Variants in BCO2 observed in about 807,000 individuals in gnomAD.
BCO2 encodes the protein beta-carotene oxygenase 2.
In BCO2, 56 loss-of-function variants were observed where a neutral mutation model predicts 65.8. That is an observed-to-expected ratio of 0.85 (90% CI 0.69 to 1.06). The LOEUF (loss-of-function observed/expected upper bound fraction) is 1.06. Among genes scored for constraint, BCO2 ranks in the 50% least tolerant of loss-of-function variants. The pLI is 0.00. For missense variants in BCO2, 675 were observed against 698.5 expected, an observed-to-expected ratio of 0.97 and a Z score of 0.38; for synonymous variants, 233 against 242.3, an observed-to-expected ratio of 0.96 and a Z score of 0.36.
intron 11 of BCO2, 36 bp from the exon 12 acceptor site, chr11:112,217,725 A>G: frequency 6.5e-7 from 1 of 1,527,156 alleles, no homozygotes; most frequent in Non-Finnish European, 9.0e-7. Flanking sequence ...TTTGATGAAA[A>G]AAAGATAATT....
intron 5 of BCO2, among the ~76,000 whole-genome samples, chr11:112,196,777 T>A (rs1867586587): frequency 2.6e-5 from 4 of 152,162 alleles, no homozygotes; most frequent in African/African-American, 7.2e-5. Flanking sequence ...AGACTCCTGA[T>A]ATTTTCCTCT....
chr11:112,211,456 T>C (rs1307056978), intron 8 of BCO2, among the ~76,000 whole-genome samples: 1 of 152,108 alleles, frequency 6.6e-6, no homozygotes, highest in Non-Finnish European at 1.5e-5. Context: ...TCCAAATTCC[T>C]TTTTTTAGTT....
chr11:112,197,410 T>C (rs1867611033), intron 5 of BCO2, among the ~76,000 whole-genome samples: 1 of 151,960 alleles, frequency 6.6e-6, no homozygotes, highest in South Asian at 2.1e-4. Context: ...TAGCCAGACA[T>C]AGTGGCATGT....
At chr11:112,210,485 A>C (rs11214135) in intron 8 of BCO2, among the ~76,000 whole-genome samples, 34,530 of 152,132 alleles carry the variant, frequency 0.23, 4,043 homozygotes, top group Middle Eastern at 0.27. Context: ...CATAGGGTAC[A>C]GACCTATGAG....
chr11:112,195,976 G>A (rs557346938), intron 5 of BCO2, among the ~76,000 whole-genome samples: 1 of 152,264 alleles, frequency 6.6e-6, no homozygotes, highest in East Asian at 1.9e-4. Context: ...CATCATGAGA[G>A]CCTGTGCTTG....
chr11:112,176,526 G>GGC (rs1433262604), intron 1 of BCO2: 1 of 122,368 alleles, frequency 8.2e-6, no homozygotes, highest in African/African-American at 3.0e-5. Context: ...GCGGGGGGGG[G>GGC]GGAATTAAAC....
At chr11:112,191,754 A>G (rs761883185) in intron 2 of BCO2, among the ~76,000 whole-genome samples, 3 of 152,194 alleles carry the variant, frequency 2.0e-5, no homozygotes, top group Non-Finnish European at 2.9e-5. Flanking sequence ...ACATTGTGAT[A>G]TTGGTGCAAG....
chr11:112,185,444 T>C (rs1867171470), intron 2 of BCO2, among the ~76,000 whole-genome samples: 1 of 152,244 alleles, frequency 6.6e-6, no homozygotes, highest in South Asian at 2.1e-4. Flanking sequence ...TTAAACATTT[T>C]TAAATATTAG....
intron 1 of BCO2, among the ~76,000 whole-genome samples, chr11:112,177,007 G>A (rs547229099): frequency 1.3e-5 from 2 of 152,232 alleles, no homozygotes; most frequent in South Asian, 4.1e-4. Context: ...CCAGTAGCAT[G>A]CAATAGAGTA....
intron 1 of BCO2, among the ~76,000 whole-genome samples, chr11:112,177,191 T>A (rs906257509): frequency 6.6e-6 from 1 of 152,182 alleles, no homozygotes; most frequent in African/African-American, 2.4e-5. Flanking sequence ...AGATAAATGG[T>A]GCATAATGTT....
At chr11:112,196,133 A>G (rs924467807) in intron 5 of BCO2, among the ~76,000 whole-genome samples, 19 of 152,298 alleles carry the variant, frequency 1.2e-4, no homozygotes, top group African/African-American at 3.6e-4. Flanking sequence ...TGTCTTCAAG[A>G]CTTGCAGTTA....
chr11:112,217,866 C>G lies in BCO2; in HGVS notation c.1732C>G (p.Pro578Ala), dbSNP rs774460713. 2 of 1,607,650 alleles carry G rather than the reference C, an allele frequency of 1.2e-6. No homozygotes were observed. Reference protein sequence around the residue: ...MPYGFHGTFIPI With the variant: ...MPYGFHGTFIAI ...TTATGGGTTCCATGGTACCTTCATA[C>G]CCATCTGATGGGACAACCACAAGGT... The change falls in exon 12 of 12, where the codon CCC (proline) becomes GCC (alanine). Residue 578 changes from proline (P) to alanine (A), a missense_variant. Physicochemically the swap from Pro to Ala is conservative, Grantham distance 27. Coordinates refer to ENST00000357685, the MANE Select transcript of BCO2 (RefSeq NM_031938.7).
At position 112,179,489 on chromosome 11, in the gene BCO2, C is replaced by A. The variant is rs749012988; in HGVS notation, c.293+7C>A. 13 of 1,612,482 alleles carry A rather than the reference C, an allele frequency of 8.1e-6. No individual in the cohort carries two copies. The highest frequency in any genetic ancestry group is 1.0e-5 in the Non-Finnish European group (12 of 1,178,892). On this transcript the variant is annotated splice_region_variant and intron_variant, in intron 2 of 11. Transcript: ENST00000357685. ...TCGAGTTTGGGAAGGATAAGTAAGC[C>A]TTGATTTTGGAGAACAACTTGGATT...
chr11:112,190,762 A>G (rs367651242), intron 2 of BCO2, among the ~76,000 whole-genome samples: 1 of 150,290 alleles, frequency 6.7e-6, no homozygotes, highest in South Asian at 2.1e-4. Context: ...AGGCTGAGGC[A>G]GGAGAATTGC....
chr11:112,203,575 TCA>T (rs1333741371), intron 8 of BCO2, among the ~76,000 whole-genome samples: 1 of 152,262 alleles, frequency 6.6e-6, no homozygotes, highest in African/African-American at 2.4e-5. Context: ...ATCTATCATC[TCA>T]CATGTTACTT....
intron 6 of BCO2, chr11:112,200,362 G>T (rs536127713): frequency 3.1e-6 from 1 of 322,356 alleles, no homozygotes; most frequent in South Asian, 8.2e-5. Flanking sequence ...AAAAAGAAAA[G>T]AAAAGGAAAA....
intron 8 of BCO2, among the ~76,000 whole-genome samples, chr11:112,208,420 C>CTTTTTTTTTTTTTTT (rs56317720): frequency 4.2e-5 from 6 of 143,010 alleles, no homozygotes; most frequent in Non-Finnish European, 6.1e-5. Flanking sequence ...TGTATATTGG[C>CTTTTTTTTTTTTTTT]TTTTTTTTTT....
In BCO2 at chr11:112,175,653, GTGGATTTCCT is replaced by G. The variant is rs753094407; in HGVS notation, c.54_63del (p.Asp19LeufsTer2). 6.2e-7 allele frequency: 1 copy of G among 1,614,136 alleles called. No individual in the cohort carries two copies. Among genetic ancestry groups the G allele is most frequent in the South Asian group, 1.1e-5 (1 of 91,082 alleles). On this transcript the variant is annotated frameshift_variant, in exon 1 of 12. Coordinates refer to ENST00000357685, the MANE Select transcript of BCO2 (RefSeq NM_031938.7). LOFTEE classifies it high-confidence loss of function. Reference sequence around the variant, plus strand: ...TATCAGGAGTCATTCTGCCACTGCAGTGGATTTCCTTCCTGTGATGGTGCACCGGCTCCCA... The same window carrying G: ...TATCAGGAGTCATTCTGCCACTGCAGTCCTGTGATGGTGCACCGGCTCCCA...
chr11:112,175,746 A>G, intron 1 of BCO2, 57 bp downstream of exon 1: 4 of 1,460,714 alleles, frequency 2.7e-6, no homozygotes, highest in Non-Finnish European at 3.8e-6. Flanking sequence ...GTCTGCGCTT[A>G]GAATTCTGTG....
Sources: allele counts gnomAD v4.1 joint callset (sites outside exome capture counted in the v4.1 genomes callset), GRCh38; gene constraint gnomAD v4.1.1; transcripts MANE v1.5; gene names NCBI Gene and HGNC (gene_info 2026-07-23, HGNC 2026-07-21).